Variants in WWP1 observed in about 807,000 individuals in gnomAD.
WWP1 encodes NEDD4-like E3 ubiquitin-protein ligase WWP1.
A neutral mutation model predicts 130.6 loss-of-function variants in WWP1; 49 were observed. The ratio of observed to expected loss-of-function variants is 0.38; its 90% CI spans 0.30 to 0.48. The LOEUF is 0.48. WWP1 is among the 20% of genes least tolerant of loss of function. WWP1 has a pLI of 0.99. For synonymous variants in WWP1, 332 were observed against 367.8 expected, an observed-to-expected ratio of 0.90 and a Z score of 1.11; for missense variants, 809 against 1,100.6, an observed-to-expected ratio of 0.74 and a Z score of 3.75.
chr8:86,398,643 A>C lies in WWP1; in HGVS notation c.539+5A>C. On this transcript the variant is annotated splice_donor_5th_base_variant and intron_variant, in intron 7 of 24. Transcript: ENST00000517970. ...TTCAGCAAGGACAACTGCCAGGTAGAATATTTTATTTGAATATGGGTGGCG... is the reference window on the plus strand; with the variant it reads ...TTCAGCAAGGACAACTGCCAGGTAGCATATTTTATTTGAATATGGGTGGCG... 1 of 1,611,652 alleles carries C rather than the reference A, an allele frequency of 6.2e-7. No individual in the cohort carries two copies. Among genetic ancestry groups the C allele is most frequent in the Non-Finnish European group, 8.5e-7 (1 of 1,179,570 alleles).
At chr8:86,437,824 G>C (rs938343903) in intron 16 of WWP1, among the ~76,000 whole-genome samples, 4 of 151,948 alleles carry the variant, frequency 2.6e-5, no homozygotes, top group African/African-American at 9.7e-5. Context: ...TTTTGAGACA[G>C]AGTCTCGCTC....
At chr8:86,424,848 G>GGGAGCA (rs1181108675) in intron 9 of WWP1, among the ~76,000 whole-genome samples, 4 of 10,698 alleles carry the variant, frequency 3.7e-4, no homozygotes, top group Non-Finnish European at 9.3e-4. Context: ...GGGAGGGGAG[G>GGGAGCA]GGAGGGGGAG....
intron 5 of WWP1, among the ~76,000 whole-genome samples, chr8:86,389,860 G>A (rs1172108292): frequency 6.6e-6 from 1 of 151,914 alleles, no homozygotes; most frequent in Non-Finnish European, 1.5e-5. Flanking sequence ...CCCAGATGGG[G>A]CGGCTGGCCG....
intron 14 of WWP1, among the ~76,000 whole-genome samples, chr8:86,432,165 G>C (rs983858234): frequency 1.1e-4 from 16 of 152,250 alleles, no homozygotes; most frequent in African/African-American, 3.9e-4. Context: ...ACATCACACT[G>C]CTGCAATGAG....
chr8:86,372,546 A>G (rs976397042), intron 2 of WWP1, among the ~76,000 whole-genome samples: 6 of 152,192 alleles, frequency 3.9e-5, no homozygotes, highest in Admixed American at 2.6e-4. Context: ...AATTTATTCT[A>G]AAAGTTCTAC....
chr8:86,347,545 C>G (rs189983106), intron 1 of WWP1, among the ~76,000 whole-genome samples: 2 of 152,292 alleles, frequency 1.3e-5, no homozygotes, highest in Non-Finnish European at 2.9e-5. Flanking sequence ...TAGAGGTAAA[C>G]TTGTCAGTTT....
intron 20 of WWP1, 37 bp from the exon 21 acceptor site, chr8:86,452,522 T>C: frequency 1.3e-6 from 2 of 1,551,920 alleles, no homozygotes; most frequent in Non-Finnish European, 8.7e-7. Context: ...ACTTCACATA[T>C]AAATTACCTA....
intron 3 of WWP1, among the ~76,000 whole-genome samples, chr8:86,379,805 A>C (rs1824878389): frequency 6.6e-6 from 1 of 152,226 alleles, no homozygotes; most frequent in South Asian, 2.1e-4. Context: ...AAGACAAGTT[A>C]ATAGTACCTG....
chr8:86,344,750 G>A (rs1437118852), intron 1 of WWP1, among the ~76,000 whole-genome samples: 2 of 148,370 alleles, frequency 1.3e-5, no homozygotes, highest in African/African-American at 4.9e-5. Context: ...GGTAATCCTA[G>A]CAGAGAGGTA....
intron 1 of WWP1, among the ~76,000 whole-genome samples, chr8:86,357,490 C>G (rs1326318292): frequency 6.6e-6 from 1 of 152,138 alleles, no homozygotes; most frequent in East Asian, 1.9e-4. Context: ...CTCGTATTTA[C>G]TTAGTTGTTT....
intron 2 of WWP1, among the ~76,000 whole-genome samples, chr8:86,369,723 C>G (rs941391825): frequency 2.6e-5 from 4 of 151,998 alleles, no homozygotes; most frequent in Non-Finnish European, 5.9e-5. Flanking sequence ...ATATCTTCAC[C>G]TATCCTTAAA....
At position 86,374,016 on chromosome 8, in the gene WWP1, C is replaced by G; in HGVS notation, c.-21-14C>G. ...TTATCTAACACATGAATAAATTCCC[C>G]TTTTTTAAAATAGGTTTTAGCTGAA... On this transcript the variant is annotated splice_polypyrimidine_tract_variant and intron_variant, in intron 2 of 24. Coordinates refer to ENST00000517970, the MANE Select transcript of WWP1 (RefSeq NM_007013.4). The G allele has an allele frequency of 1.9e-6, 3 of 1,575,754 alleles. No homozygotes were observed. Among genetic ancestry groups the G allele is most frequent in the Non-Finnish European group, 2.6e-6 (3 of 1,163,670 alleles).
rs2130103097 is a variant in WWP1, at chr8:86,461,254, A to G, written c.2530A>G (p.Met844Val). The change falls in exon 23 of 25, where the codon ATG (methionine) becomes GTG (valine). Residue 844 changes from methionine (M) to valine (V), a missense_variant. Met to Val is a conservative substitution (Grantham distance 21). Coordinates refer to ENST00000517970, the MANE Select transcript of WWP1 (RefSeq NM_007013.4). ...GAAAGAGACAGACAATGAAGTAAGA[A>G]TGCGACTATTGCAGTTCGTCACTGG... is the stretch of plus-strand genomic sequence containing the variant. The part of the protein sequence containing the change: ...FVKETDNEVR[M>V]RLLQFVTGTC... 3 of 1,614,222 alleles carry G rather than the reference A, an allele frequency of 1.9e-6. No homozygotes were observed. In the East Asian group the frequency reaches 6.7e-5, roughly 36 times the overall value.
At position 86,342,611 on chromosome 8, in the gene WWP1, GGGAGGCGCGCGCTTAGGGCGCGGCGCC is replaced by G; in HGVS notation, c.-431_-405del. 1 of 185,052 alleles carries G rather than the reference GGGAGGCGCGCGCTTAGGGCGCGGCGCC, an allele frequency of 5.4e-6. No individual in the cohort carries two copies. The highest frequency in any genetic ancestry group is 1.1e-5 in the Non-Finnish European group (1 of 91,042). 11.5% of individuals were successfully genotyped at this position (185,052 alleles called of 1,614,324 possible). ...GTAGCGCGCGGTGCCGGGGCCGGCG[GGGAGGCGCGCGCTTAGGGCGCGGCGCC>G]GGCGACGCGGCCACGCGGCGCGCTC... is the stretch of plus-strand genomic sequence containing the variant. On this transcript the variant is annotated 5_prime_UTR_variant, in exon 1 of 25. Transcript: ENST00000517970.
intron 8 of WWP1, among the ~76,000 whole-genome samples, chr8:86,406,538 G>A (rs1808289449): frequency 1.3e-5 from 2 of 152,130 alleles, no homozygotes; most frequent in Admixed American, 1.3e-4. Flanking sequence ...AAGGTCCCAT[G>A]CACCCTTCAC....
intron 3 of WWP1, among the ~76,000 whole-genome samples, chr8:86,375,496 T>C (rs937330552): frequency 1.3e-5 from 2 of 152,190 alleles, no homozygotes; most frequent in African/African-American, 4.8e-5. Context: ...AGCAGATACA[T>C]GTGCAGTATA....
intron 1 of WWP1, among the ~76,000 whole-genome samples, chr8:86,367,856 C>T (rs1196208478): frequency 1.3e-5 from 2 of 152,164 alleles, no homozygotes; most frequent in Non-Finnish European, 2.9e-5. Flanking sequence ...TACGGCTCAG[C>T]AGAATTTGAT....
intron 10 of WWP1, among the ~76,000 whole-genome samples, chr8:86,426,686 G>C (rs1001864354): frequency 6.6e-6 from 1 of 152,158 alleles, no homozygotes; most frequent in African/African-American, 2.4e-5. Context: ...AGCCATCATG[G>C]GTGGAATGAC....
chr8:86,349,659 G>A lies in WWP1; in HGVS notation c.-115+6729G>A, dbSNP rs190281641. 2.1e-3 allele frequency among the ~76,000 whole-genome samples: 324 copies of A among 152,152 alleles called. 3 individuals carry two copies. The highest frequency in any genetic ancestry group is 3.4e-3 in the Non-Finnish European group (232 of 68,006). On this transcript the variant is annotated intron_variant, in intron 1 of 24. Transcript: ENST00000517970. ...CACATCTGGCTTACTACGCAAATGG[G>A]AATACCTAGCACTCTCCTTGGTTAG...
Sources: allele counts gnomAD v4.1 joint callset (sites outside exome capture counted in the v4.1 genomes callset), GRCh38; gene constraint gnomAD v4.1.1; transcripts MANE v1.5; gene names NCBI Gene and HGNC (gene_info 2026-07-23, HGNC 2026-07-21).